The following CTNNBL1 variants were observed in gnomAD, a reference collection of about 807,000 sequenced individuals.
CTNNBL1 encodes the protein beta-catenin-like protein 1.
CTNNBL1 carries 31 observed loss-of-function variants against 72.7 expected under a neutral mutation model. That is an observed-to-expected ratio of 0.43 (90% confidence interval 0.32 to 0.58). The LOEUF (loss-of-function observed/expected upper bound fraction) is 0.58. CTNNBL1 is among the 20% of genes least tolerant of loss of function. CTNNBL1 has a pLI of 0.08. For missense variants in CTNNBL1, 534 were observed against 725.1 expected, an observed-to-expected ratio of 0.74 and a Z score of 3.03; for synonymous variants, 240 against 267.3, an observed-to-expected ratio of 0.90 and a Z score of 1.00.
At chr20:37,787,612 G>A (rs2122708069) in intron 10 of CTNNBL1, among the ~76,000 whole-genome samples, 1 of 152,292 alleles carries the variant, frequency 6.6e-6, no homozygotes, top group East Asian at 1.9e-4. Flanking sequence ...CCAAAGTGCT[G>A]GGATTACAGG....
chr20:37,772,458 C>T (rs2122678468), intron 7 of CTNNBL1, among the ~76,000 whole-genome samples: 1 of 152,338 alleles, frequency 6.6e-6, no homozygotes, highest in South Asian at 2.1e-4. Flanking sequence ...ACGCCATTCT[C>T]CTGCCTCAAC....
At chr20:37,864,048 C>A (rs986855908) in intron 15 of CTNNBL1, among the ~76,000 whole-genome samples, 5 of 152,104 alleles carry the variant, frequency 3.3e-5, no homozygotes, top group Non-Finnish European at 7.4e-5. Flanking sequence ...GCTGCAAGGA[C>A]CCTGAGGAGC....
intron 5 of CTNNBL1, among the ~76,000 whole-genome samples, chr20:37,758,056 C>A (rs1048013920): frequency 6.6e-6 from 1 of 152,308 alleles, no homozygotes; most frequent in South Asian, 2.1e-4. Context: ...CCCTTTCTTC[C>A]CTCCTCTCTT....
At chr20:37,720,256 C>T (rs1247131688) in intron 1 of CTNNBL1, among the ~76,000 whole-genome samples, 1 of 152,096 alleles carries the variant, frequency 6.6e-6, no homozygotes, top group Non-Finnish European at 1.5e-5. Context: ...TCTCGATCTC[C>T]TGACCTCGTG....
intron 3 of CTNNBL1, among the ~76,000 whole-genome samples, chr20:37,742,081 T>C (rs2073221387): frequency 6.6e-6 from 1 of 152,192 alleles, no homozygotes; most frequent in Admixed American, 6.5e-5. Context: ...GCTTTGACTC[T>C]TAAAATTTCA....
intron 11 of CTNNBL1, among the ~76,000 whole-genome samples, chr20:37,820,146 G>C (rs2072093417): frequency 6.6e-6 from 1 of 151,834 alleles, no homozygotes; most frequent in Non-Finnish European, 1.5e-5. Context: ...CAAAGTGCTG[G>C]GATTACAGGC....
At chr20:37,759,232 T>C (rs534720219) in intron 5 of CTNNBL1, among the ~76,000 whole-genome samples, 1 of 152,338 alleles carries the variant, frequency 6.6e-6, no homozygotes, top group South Asian at 2.1e-4. Flanking sequence ...TCGTTTTGTT[T>C]TGAGGGGCGT....
At position 37,831,332 on chromosome 20, in the gene CTNNBL1, A is replaced by G. The variant is rs148144002; in HGVS notation, c.1214-8770A>G. ...TGCATGCCAGTTAATTGTGTACTCT[A>G]TTGTAATTGTTTATTTCTTTTTTCT... On this transcript the variant is annotated intron_variant, in intron 11 of 15. Coordinates refer to ENST00000361383, the MANE Select transcript of CTNNBL1 (RefSeq NM_030877.5). 2.4e-3 allele frequency among the ~76,000 whole-genome samples: 354 copies of G among 148,562 alleles called. 4 individuals are homozygous for G. The highest frequency in any genetic ancestry group is 8.4e-3 in the African/African-American group (335 of 40,084).
chr20:37,789,079 C>CG (rs942760898), intron 10 of CTNNBL1, among the ~76,000 whole-genome samples: 12 of 152,012 alleles, frequency 7.9e-5, no homozygotes, highest in Non-Finnish European at 2.9e-5. Context: ...AAGAAAGCAG[C>CG]GGGTAGCCAT....
At chr20:37,698,597 A>T (rs1394344114) in intron 1 of CTNNBL1, among the ~76,000 whole-genome samples, 1 of 151,840 alleles carries the variant, frequency 6.6e-6, no homozygotes, top group East Asian at 1.9e-4. Flanking sequence ...CTTATTTCCA[A>T]CTCTGTACAT....
Position 37,737,282 on chromosome 20 carries a change from C to T in CTNNBL1, c.220-96C>T. ...ACATTGAACCCAGAAAGGTCAATGG[C>T]AGAGTGAGGTGGGGTATAAGAGCCA... On this transcript the variant is annotated intron_variant, in intron 2 of 15. Coordinates refer to ENST00000361383, the MANE Select transcript of CTNNBL1 (RefSeq NM_030877.5). The T allele has an allele frequency of 3.7e-6, 3 of 817,032 alleles. No individual in the cohort carries two copies. In the South Asian group the frequency reaches 4.8e-5, roughly 13 times the overall value. 50.6% of individuals were successfully genotyped at this position (817,032 alleles called of 1,614,324 possible).
intron 9 of CTNNBL1, among the ~76,000 whole-genome samples, chr20:37,778,435 A>G (rs1205858844): frequency 2.0e-5 from 3 of 152,128 alleles, no homozygotes; most frequent in South Asian, 2.1e-4. Context: ...CTCCACCCCA[A>G]AAATAGAGCT....
chr20:37,844,897 G>A (rs559606012), intron 13 of CTNNBL1, among the ~76,000 whole-genome samples: 22 of 152,322 alleles, frequency 1.4e-4, no homozygotes, highest in Admixed American at 1.0e-3. Flanking sequence ...GCAACAAGCC[G>A]AGATTGTGCC....
At chr20:37,834,934 C>T (rs966688006) in intron 11 of CTNNBL1, among the ~76,000 whole-genome samples, 1 of 152,182 alleles carries the variant, frequency 6.6e-6, no homozygotes, top group East Asian at 1.9e-4. Flanking sequence ...AAGGAGCTTT[C>T]ACCAAAACAA....
chr20:37,789,062 T>A (rs754364223), intron 10 of CTNNBL1, among the ~76,000 whole-genome samples: 1 of 152,126 alleles, frequency 6.6e-6, no homozygotes, highest in Admixed American at 6.5e-5. Flanking sequence ...GTGGAACTCG[T>A]GCTGTGAAGA....
chr20:37,745,542 G>A (rs527425389), intron 3 of CTNNBL1, among the ~76,000 whole-genome samples: 1 of 152,238 alleles, frequency 6.6e-6, no homozygotes, highest in African/African-American at 2.4e-5. Context: ...TCTTTACAGT[G>A]GCCCTGTGAG....
chr20:37,738,916 C>G lies in CTNNBL1; in HGVS notation c.326+1432C>G, dbSNP rs1201283175. Among the ~76,000 whole-genome samples the G allele has an allele frequency of 4.6e-5, 7 of 152,100 alleles. No individual in the cohort carries two copies. In the East Asian group the frequency reaches 1.3e-3, roughly 29 times the overall value. ...GGCCAGCGTGGTCAACTATGTTGTC[C>G]CTGTGCTGTGGATGAGAAGGCAGAG... On this transcript the variant is annotated intron_variant, in intron 3 of 15. Coordinates refer to ENST00000361383, the MANE Select transcript of CTNNBL1 (RefSeq NM_030877.5).
intron 11 of CTNNBL1, among the ~76,000 whole-genome samples, chr20:37,838,054 A>T (rs1362689306): frequency 6.6e-6 from 1 of 152,246 alleles, no homozygotes; most frequent in African/African-American, 2.4e-5. Flanking sequence ...CGCTGAGAGG[A>T]TGACAGTGGA....
At chr20:37,785,722 C>A (rs1415578026) in intron 10 of CTNNBL1, among the ~76,000 whole-genome samples, 1 of 152,206 alleles carries the variant, frequency 6.6e-6, no homozygotes, top group Non-Finnish European at 1.5e-5. Flanking sequence ...ATATCTCTGT[C>A]TTGCTGGCAT....
Sources: allele counts gnomAD v4.1 joint callset (sites outside exome capture counted in the v4.1 genomes callset), GRCh38; gene constraint gnomAD v4.1.1; transcripts MANE v1.5; gene names NCBI Gene and HGNC (gene_info 2026-07-23, HGNC 2026-07-21).